Variants in FSTL5 observed in about 807,000 individuals in gnomAD.
FSTL5 encodes the protein follistatin like 5, also known as follistatin-related protein 5.
A neutral mutation model predicts 89.1 loss-of-function variants in FSTL5; 62 were observed. The observed-to-expected ratio is 0.70, with a 90% CI of 0.57 to 0.86. FSTL5 has a LOEUF of 0.86. Among genes scored for constraint, FSTL5 ranks in the 40% least tolerant of loss-of-function variants. FSTL5 has a pLI of 0.00. For missense variants in FSTL5, 1,057 were observed against 1,001.6 expected, an observed-to-expected ratio of 1.06 and a Z score of -0.75; for synonymous variants, 383 against 346.2, an observed-to-expected ratio of 1.11 and a Z score of -1.18.
chr4:161,633,660 T>C (rs186244909), intron 7 of FSTL5, among the ~76,000 whole-genome samples: 4 of 152,208 alleles, frequency 2.6e-5, no homozygotes, highest in Non-Finnish European at 5.9e-5. Context: ...TCCCCTTTTA[T>C]TCAGTTAAAT....
chr4:162,065,279 G>C (rs1738856776), intron 2 of FSTL5, among the ~76,000 whole-genome samples: 2 of 151,816 alleles, frequency 1.3e-5, no homozygotes, highest in Admixed American at 6.6e-5. Flanking sequence ...TATAATGGGT[G>C]AAAATATGTA....
Position 161,759,508 on chromosome 4 carries a change from G to T in FSTL5, c.630C>A (p.Gly210=), listed in dbSNP as rs963645485. 6.4e-6 allele frequency: 10 copies of T among 1,564,802 alleles called. No individual in the cohort carries two copies. The highest frequency in any genetic ancestry group is 8.7e-6 in the Non-Finnish European group (10 of 1,155,654). Residue 210 remains glycine, a synonymous_variant, in exon 6 of 16, where the codon GGC becomes GGA. Transcript: ENST00000306100. The part of the protein sequence containing the change: ...LTQVIKQEEL[G]KDLFDCTLYV... ...ACAAAGTACAATCAAAGAGATCCTT[G>T]CCAAGTTCTTCCTGTTTTATCACCT...
chr4:161,482,377 AT>A (rs1328598419), intron 12 of FSTL5, among the ~76,000 whole-genome samples: 1 of 150,242 alleles, frequency 6.7e-6, no homozygotes, highest in African/African-American at 2.4e-5. Flanking sequence ...ATGATAAACA[AT>A]TATTCCAGTA....
chr4:161,738,665 G>T (rs906939061), intron 6 of FSTL5, among the ~76,000 whole-genome samples: 1 of 152,044 alleles, frequency 6.6e-6, no homozygotes, highest in Admixed American at 6.6e-5. Flanking sequence ...CTAGCTGAAA[G>T]GTAACCACAT....
intron 15 of FSTL5, among the ~76,000 whole-genome samples, chr4:161,445,336 C>A (rs1009926840): frequency 6.6e-6 from 1 of 151,620 alleles, no homozygotes; most frequent in Admixed American, 6.6e-5. Context: ...TACTAAAATT[C>A]GTATTCTTGA....
intron 8 of FSTL5, among the ~76,000 whole-genome samples, chr4:161,574,921 A>T (rs1733158953): frequency 6.6e-6 from 1 of 152,182 alleles, no homozygotes; most frequent in Non-Finnish European, 1.5e-5. Flanking sequence ...GAATTGCCAC[A>T]CTGTCTTCCA....
chr4:161,770,725 A>C (rs191586649), intron 5 of FSTL5, among the ~76,000 whole-genome samples: 25 of 152,108 alleles, frequency 1.6e-4, no homozygotes, highest in African/African-American at 4.8e-4. Context: ...ATACTTCAAT[A>C]TATGTAGACA....
At chr4:161,560,063 T>G (rs1465928928) in intron 8 of FSTL5, among the ~76,000 whole-genome samples, 1 of 151,906 alleles carries the variant, frequency 6.6e-6, no homozygotes, top group Non-Finnish European at 1.5e-5. Context: ...TTTTTTTCTT[T>G]TAGCTCATCA....
chr4:161,722,570 G>C (rs1286475846), intron 6 of FSTL5, among the ~76,000 whole-genome samples: 1 of 152,050 alleles, frequency 6.6e-6, no homozygotes, highest in South Asian at 2.1e-4. Context: ...ATATTCTGAT[G>C]TATGTAAATT....
chr4:161,634,215 C>G (rs1386546301), intron 7 of FSTL5, among the ~76,000 whole-genome samples: 1 of 152,154 alleles, frequency 6.6e-6, no homozygotes, highest in Non-Finnish European at 1.5e-5. Flanking sequence ...GTAAAATTTG[C>G]AGGTGAACAG....
intron 4 of FSTL5, among the ~76,000 whole-genome samples, chr4:161,897,428 T>A (rs903933473): frequency 3.3e-5 from 5 of 151,328 alleles, no homozygotes; most frequent in Admixed American, 6.6e-5. Context: ...AAAATTTAAT[T>A]CCTAGAATAT....
At chr4:161,499,072 C>T (rs577801522) in intron 12 of FSTL5, among the ~76,000 whole-genome samples, 4 of 152,058 alleles carry the variant, frequency 2.6e-5, no homozygotes, top group African/African-American at 9.6e-5. Context: ...CTTGGAGGCA[C>T]GCGCCTGTAA....
intron 3 of FSTL5, among the ~76,000 whole-genome samples, chr4:161,962,010 ATAT>A (rs1466302521): frequency 6.6e-6 from 1 of 151,916 alleles, no homozygotes; most frequent in Non-Finnish European, 1.5e-5. Flanking sequence ...TGTGTTGACC[ATAT>A]TATTATAGCT....
At chr4:161,463,664 T>C (rs777305041) in intron 13 of FSTL5, among the ~76,000 whole-genome samples, 15 of 152,176 alleles carry the variant, frequency 9.9e-5, no homozygotes, top group Non-Finnish European at 1.6e-4. Flanking sequence ...TTTAGAACAA[T>C]TGGTTTTTAT....
chr4:161,914,345 T>A (rs187492133), intron 4 of FSTL5, among the ~76,000 whole-genome samples: 6 of 152,274 alleles, frequency 3.9e-5, no homozygotes, highest in Admixed American at 2.0e-4. Flanking sequence ...TGTCTAAGGA[T>A]TTGAATGTTA....
intron 7 of FSTL5, among the ~76,000 whole-genome samples, chr4:161,621,232 G>T (rs1306122183): frequency 1.3e-5 from 2 of 150,142 alleles, no homozygotes; most frequent in Non-Finnish European, 3.0e-5. Context: ...TATCTGAAAA[G>T]TCTCTAAATA....
intron 4 of FSTL5, among the ~76,000 whole-genome samples, chr4:161,806,734 TAAG>T (rs1729978655): frequency 1.3e-5 from 2 of 152,062 alleles, no homozygotes; most frequent in Non-Finnish European, 2.9e-5. Context: ...AATGAATTGT[TAAG>T]AAATTAAAAT....
At chr4:161,801,521 T>C (rs1307271947) in intron 4 of FSTL5, among the ~76,000 whole-genome samples, 1 of 151,462 alleles carries the variant, frequency 6.6e-6, no homozygotes, top group Admixed American at 6.6e-5. Context: ...TCTGTGTTCC[T>C]AATGGGAAAG....
At chr4:161,998,382 T>A (rs1736362493) in intron 3 of FSTL5, among the ~76,000 whole-genome samples, 1 of 152,174 alleles carries the variant, frequency 6.6e-6, no homozygotes, top group African/African-American at 2.4e-5. Context: ...TCAGTCTCTG[T>A]GGGAAGGTAA....
Sources: allele counts gnomAD v4.1 joint callset (sites outside exome capture counted in the v4.1 genomes callset), GRCh38; gene constraint gnomAD v4.1.1; transcripts MANE v1.5; gene names NCBI Gene and HGNC (gene_info 2026-07-23, HGNC 2026-07-21).